The following ADI1 variants were observed in gnomAD, a reference collection of about 807,000 sequenced individuals.
The protein encoded by ADI1 is acireductone dioxygenase.
A neutral mutation model predicts 18.7 loss-of-function variants in ADI1; 21 were observed. The ratio of observed to expected loss-of-function variants is 1.13; its 90% confidence interval spans 0.80 to 1.62. ADI1 has a LOEUF of 1.62. ADI1 is among the 40% of genes most tolerant of loss of function. The pLI, the probability that ADI1 is intolerant of heterozygous loss-of-function variation, is 0.00. For missense variants in ADI1, 245 were observed against 254.9 expected (o/e 0.96, Z 0.26); for synonymous variants, 90 against 100.1 (o/e 0.90, Z 0.60).
rs368279478 is a variant in ADI1, at chr2:3,499,208, G to A, written c.421-126C>T. 150 of 1,403,680 alleles carry A rather than the reference G, an allele frequency of 1.1e-4. No individual in the cohort carries two copies. The East Asian group carries it at 2.4e-3, about 23-fold the overall frequency. 87.0% of individuals were successfully genotyped at this position (1,403,680 alleles called of 1,614,324 possible). ...ACTTTACTTGCTATTTTTATTCTGCGTCTTTAACAATTTAGGCCACATTTT... is the reference window on the plus strand; with the variant it reads ...ACTTTACTTGCTATTTTTATTCTGCATCTTTAACAATTTAGGCCACATTTT... On this transcript the variant is annotated intron_variant, in intron 3 of 3. Transcript: ENST00000327435.
At position 3,514,126 on chromosome 2, in the gene ADI1, GCCATTTAATGGATTTTCCATTCTCC is replaced by G. The variant is rs1282018462; in HGVS notation, c.121-175_121-151del. 4 of 947,310 alleles carry G rather than the reference GCCATTTAATGGATTTTCCATTCTCC, an allele frequency of 4.2e-6. No homozygotes were observed. In the African/African-American group the frequency reaches 6.7e-5, roughly 16 times the overall value. The allele number at this position is 947,310 out of a possible 1,614,324, so 58.7% of individuals were successfully genotyped here. The stretch of plus-strand genomic sequence containing the variant: ...CAACTAACTCTCTTCATCTCCTCTA[GCCATTTAATGGATTTTCCATTCTCC>G]AAAACACCAGCTATACATACAATGG... On this transcript the variant is annotated intron_variant, in intron 1 of 3. Transcript: ENST00000327435.
chr2:3,515,131 C>T (rs867088889), intron 1 of ADI1: 2 of 235,924 alleles, frequency 8.5e-6, no homozygotes, highest in Middle Eastern at 1.5e-3. Flanking sequence ...GGGAAGACAA[C>T]CATAAGGTTT....
At chr2:3,516,458 G>C (rs1210075107) in intron 1 of ADI1, 1 of 133,898 alleles carries the variant, frequency 7.5e-6, no homozygotes, top group Non-Finnish European at 1.5e-5. Flanking sequence ...CTGGGTGACA[G>C]AGCGAGGCTC....
chr2:3,509,839 TAA>T (rs58123852), intron 2 of ADI1, among the ~76,000 whole-genome samples: 2 of 140,050 alleles, frequency 1.4e-5, no homozygotes, highest in Non-Finnish European at 3.1e-5. Flanking sequence ...TACAAAAAAT[TAA>T]AAAAAAAAAA....
At chr2:3,503,337 A>G (rs1020788724) in intron 2 of ADI1, among the ~76,000 whole-genome samples, 1 of 149,800 alleles carries the variant, frequency 6.7e-6, no homozygotes, top group African/African-American at 2.5e-5. Flanking sequence ...ATGCACACAT[A>G]CACACGTACT....
chr2:3,497,988 A>T lies in ADI1; in HGVS notation c.*975T>A, dbSNP rs1017367179. The T allele has an allele frequency of 6.6e-6, 1 of 152,130 alleles. No individual in the cohort carries two copies. Among genetic ancestry groups the T allele is most frequent in the African/African-American group, 2.4e-5 (1 of 41,410 alleles). The allele number at this position is 152,130 out of a possible 1,614,324, so 9.4% of individuals were successfully genotyped here. On this transcript the variant is annotated 3_prime_UTR_variant, in exon 4 of 4. Transcript: ENST00000327435. ...TTGACAGAAGCAAGCCCTGCGGTAT[A>T]TGGCATCATCACACCACCGGTGGGT...
intron 1 of ADI1, among the ~76,000 whole-genome samples, chr2:3,518,939 C>T (rs1216860718): frequency 1.3e-5 from 2 of 152,210 alleles, no homozygotes; most frequent in African/African-American, 2.4e-5. Flanking sequence ...AACTCTGCTG[C>T]TGAGCATGCG....
chr2:3,510,478 T>C (rs769154557), intron 2 of ADI1, among the ~76,000 whole-genome samples: 21 of 151,384 alleles, frequency 1.4e-4, no homozygotes, highest in Admixed American at 1.3e-3. Context: ...AAACAAAAAA[T>C]AGAAAAAGAG....
At chr2:3,500,491 G>A in intron 3 of ADI1, 3 of 477,716 alleles carry the variant, frequency 6.3e-6, no homozygotes, top group Admixed American at 7.7e-5. Context: ...CGCCAAGCAA[G>A]GGCTGGGGCA....
chr2:3,511,345 T>A (rs951424738), intron 2 of ADI1, among the ~76,000 whole-genome samples: 6 of 151,686 alleles, frequency 4.0e-5, no homozygotes, highest in African/African-American at 1.5e-4. Flanking sequence ...TTTCTTATAA[T>A]TTACTTCTAA....
Position 3,497,834 on chromosome 2 carries a change from T to C in ADI1, c.*1129A>G, listed in dbSNP as rs1666901515. 1 of 152,194 alleles carries C rather than the reference T, an allele frequency of 6.6e-6. No homozygotes were observed. The highest frequency in any genetic ancestry group is 2.1e-4 in the South Asian group (1 of 4,830). The allele number at this position is 152,194 out of a possible 1,614,324, so 9.4% of individuals were successfully genotyped here. A position where few individuals can be genotyped will look rare whatever the true frequency, so the allele number is the denominator to read the frequency against. ...AAGCAAGAAAGGCAATTTAAAGCGA[T>C]AGTTTATCATATGAATGTTTCGTTC... On this transcript the variant is annotated 3_prime_UTR_variant, in exon 4 of 4. Transcript: ENST00000327435.
intron 1 of ADI1, among the ~76,000 whole-genome samples, chr2:3,518,478 T>C (rs1667455714): frequency 6.6e-6 from 1 of 152,246 alleles, no homozygotes; most frequent in Admixed American, 6.5e-5. Context: ...TGAGCGGATC[T>C]GGACTGGTGC....
chr2:3,507,802 T>C (rs1667207433), intron 2 of ADI1, among the ~76,000 whole-genome samples: 1 of 152,160 alleles, frequency 6.6e-6, no homozygotes. Context: ...TTATTCAAAG[T>C]AATGTCAGTA....
chr2:3,503,159 TCA>T (rs1291119372), intron 2 of ADI1, among the ~76,000 whole-genome samples: 1 of 151,134 alleles, frequency 6.6e-6, no homozygotes, highest in Admixed American at 6.6e-5. Context: ...GTACACGCTC[TCA>T]CATGCGTACA....
Position 3,514,717 on chromosome 2 carries a change from T to C in ADI1, c.121-741A>G, listed in dbSNP as rs1403419617. The C allele has an allele frequency of 2.7e-6, 4 of 1,484,630 alleles. No homozygotes were observed. In the Admixed American group the frequency reaches 6.4e-5, roughly 24 times the overall value. The allele number at this position is 1,484,630 out of a possible 1,614,324, so 92.0% of individuals were successfully genotyped here. ...TTCCCTGATGAAGCTCCAGGCAGAA[T>C]TCATCTGAACTCTTATTTAAAACTA... On this transcript the variant is annotated intron_variant, in intron 1 of 3. Transcript: ENST00000327435.
intron 1 of ADI1, 70 bp downstream of exon 1, chr2:3,519,298 A>T: frequency 7.5e-7 from 1 of 1,334,138 alleles, no homozygotes; most frequent in Admixed American, 4.1e-5. Flanking sequence ...CACCTGGAGG[A>T]GGCTGGGCTG....
At chr2:3,519,245 C>T (rs1409478477) in intron 1 of ADI1, 123 bp downstream of exon 1, 3 of 1,278,262 alleles carry the variant, frequency 2.3e-6, no homozygotes, top group Non-Finnish European at 3.0e-6. Context: ...AATCCCGCTG[C>T]TGAGCATGCG....
chr2:3,506,502 A>G (rs1446195982), intron 2 of ADI1, among the ~76,000 whole-genome samples: 2 of 152,256 alleles, frequency 1.3e-5, no homozygotes, highest in South Asian at 4.1e-4. Context: ...CAAAATATGC[A>G]TAAGATCTAC....
At chr2:3,504,705 C>T (rs1007131230) in intron 2 of ADI1, among the ~76,000 whole-genome samples, 27 of 148,642 alleles carry the variant, frequency 1.8e-4, no homozygotes, top group African/African-American at 6.0e-4. Flanking sequence ...CTGTGTATGT[C>T]TGTATTGTCT....
Sources: gnomAD v4.1 joint callset for allele counts (sites outside exome capture counted in the v4.1 genomes callset) on GRCh38, gnomAD v4.1.1 for gene constraint, MANE v1.5 for transcripts, NCBI Gene and HGNC (gene_info 2026-07-23, HGNC 2026-07-21) for gene names.